Variants in ZNF804B observed in about 807,000 individuals in gnomAD.
ZNF804B encodes the protein zinc finger 804B.
ZNF804B carries 80 observed loss-of-function variants against 101.4 expected under a neutral mutation model. The ratio of observed to expected loss-of-function variants is 0.79; its 90% CI spans 0.66 to 0.95. ZNF804B has a LOEUF of 0.95. ZNF804B is among the 40% of genes least tolerant of loss of function. ZNF804B has a pLI of 0.00. For synonymous variants in ZNF804B, 622 were observed against 558.8 expected, an observed-to-expected ratio of 1.11 and a Z score of -1.59; for missense variants, 1,673 against 1,561.9, an observed-to-expected ratio of 1.07 and a Z score of -1.20.
chr7:88,928,234 T>C (rs1792834947), intron 1 of ZNF804B, among the ~76,000 whole-genome samples: 1 of 152,130 alleles, frequency 6.6e-6, no homozygotes, highest in Non-Finnish European at 1.5e-5. Context: ...GGACCTCTTA[T>C]CCTCCCCTTT....
At chr7:89,250,305 A>G (rs1311520438) in intron 2 of ZNF804B, among the ~76,000 whole-genome samples, 2 of 152,100 alleles carry the variant, frequency 1.3e-5, no homozygotes, top group Admixed American at 6.6e-5. Flanking sequence ...TGTTATGAAC[A>G]CTCCCATACA....
chr7:89,027,228 G>A (rs997138438), intron 1 of ZNF804B, among the ~76,000 whole-genome samples: 2 of 151,880 alleles, frequency 1.3e-5, no homozygotes, highest in African/African-American at 2.4e-5. Context: ...ATGTTTAAAT[G>A]CTGCAGAAAA....
At chr7:88,773,399 G>GTCGT (rs1790097456) in intron 1 of ZNF804B, among the ~76,000 whole-genome samples, 1 of 151,444 alleles carries the variant, frequency 6.6e-6, no homozygotes, top group Admixed American at 6.6e-5. Context: ...GGGAGTCCAA[G>GTCGT]TCATTCATTC....
chr7:89,082,891 A>G, intron 1 of ZNF804B, among the ~76,000 whole-genome samples: 1 of 151,764 alleles, frequency 6.6e-6, no homozygotes, highest in East Asian at 1.9e-4. Context: ...TTTCTACTAT[A>G]TTACTTGTAG....
At chr7:88,793,232 A>G (rs1380586583) in intron 1 of ZNF804B, among the ~76,000 whole-genome samples, 1 of 152,280 alleles carries the variant, frequency 6.6e-6, no homozygotes, top group East Asian at 1.9e-4. Context: ...TCATCTGGAT[A>G]AAAGAAGGGA....
rs892117573 is a variant in ZNF804B, at chr7:89,336,215, C to T, written c.3233C>T (p.Pro1078Leu). The T allele has an allele frequency of 7.4e-6, 12 of 1,613,580 alleles. No individual in the cohort carries two copies. The highest frequency in any genetic ancestry group is 4.0e-5 in the African/African-American group (3 of 74,854). ...CCAAATGAATTCCCTGGTGCTTTTC[C>T]GTCTAATAAATATACTGGTGTGACT... is the stretch of plus-strand genomic sequence containing the variant. ...PVPNEFPGAF[P>L]SNKYTGVTDS... The change falls in exon 4 of 4, where the codon CCG (proline) becomes CTG (leucine). Residue 1078 changes from proline (P) to leucine (L), a missense_variant. Physicochemically the swap from Pro to Leu is moderately conservative, Grantham distance 98. Coordinates refer to ENST00000333190, the MANE Select transcript of ZNF804B (RefSeq NM_181646.5).
At chr7:89,015,961 A>G (rs931110377) in intron 1 of ZNF804B, among the ~76,000 whole-genome samples, 13 of 152,120 alleles carry the variant, frequency 8.5e-5, no homozygotes, top group African/African-American at 3.1e-4. Flanking sequence ...CAACAGTGTA[A>G]AAGTGTTCCT....
chr7:89,285,025 C>T (rs747172869), intron 2 of ZNF804B, among the ~76,000 whole-genome samples: 1 of 151,508 alleles, frequency 6.6e-6, no homozygotes, highest in Non-Finnish European at 1.5e-5. Context: ...GTAGTGAGAC[C>T]CTGTCTCCAC....
At chr7:88,834,371 CAT>C (rs1451542722) in intron 1 of ZNF804B, among the ~76,000 whole-genome samples, 6 of 151,736 alleles carry the variant, frequency 4.0e-5, no homozygotes, top group African/African-American at 1.5e-4. Flanking sequence ...GCTGATCACA[CAT>C]ATTAATTCGT....
chr7:89,058,683 T>C (rs1789332403), intron 1 of ZNF804B, among the ~76,000 whole-genome samples: 1 of 151,952 alleles, frequency 6.6e-6, no homozygotes, highest in South Asian at 2.1e-4. Context: ...AATGTGGCAG[T>C]GAAGGGTTTT....
intron 1 of ZNF804B, among the ~76,000 whole-genome samples, chr7:89,124,712 A>G (rs917409872): frequency 1.3e-5 from 2 of 152,182 alleles, no homozygotes; most frequent in African/African-American, 4.8e-5. Flanking sequence ...GTAAATGTGG[A>G]AAGAATTGAA....
chr7:89,107,738 C>T (rs539773590), intron 1 of ZNF804B, among the ~76,000 whole-genome samples: 1 of 152,130 alleles, frequency 6.6e-6, no homozygotes, highest in Non-Finnish European at 1.5e-5. Flanking sequence ...GTTTATAGAA[C>T]AATGGAGTTG....
intron 2 of ZNF804B, among the ~76,000 whole-genome samples, chr7:89,220,214 CGAA>C (rs1264023474): frequency 7.2e-6 from 1 of 139,286 alleles, no homozygotes; most frequent in African/African-American, 2.7e-5. Flanking sequence ...GCCAGCCTGA[CGAA>C]GACACAGCTT....
intron 1 of ZNF804B, among the ~76,000 whole-genome samples, chr7:89,210,931 C>G (rs896344814): frequency 6.6e-6 from 1 of 152,220 alleles, no homozygotes; most frequent in Non-Finnish European, 1.5e-5. Flanking sequence ...CTGTTTTCCA[C>G]AATGGTTGCT....
At chr7:89,111,949 A>G (rs960178896) in intron 1 of ZNF804B, among the ~76,000 whole-genome samples, 3 of 152,104 alleles carry the variant, frequency 2.0e-5, no homozygotes, top group African/African-American at 7.2e-5. Context: ...ACCAAAAACT[A>G]GAGAAATTAG....
At chr7:89,099,855 G>A (rs937519103) in intron 1 of ZNF804B, among the ~76,000 whole-genome samples, 2 of 152,098 alleles carry the variant, frequency 1.3e-5, no homozygotes, top group Non-Finnish European at 1.5e-5. Context: ...GTGACAGTGA[G>A]GACTGGACTG....
intron 2 of ZNF804B, among the ~76,000 whole-genome samples, chr7:89,262,974 G>GTTGTA (rs1562930806): frequency 7.7e-6 from 1 of 130,084 alleles, no homozygotes; most frequent in African/African-American, 3.0e-5. Context: ...GCACTTTGTA[G>GTTGTA]CTTAGTTGTC....
chr7:88,817,404 C>T (rs947386202), intron 1 of ZNF804B, among the ~76,000 whole-genome samples: 3 of 151,478 alleles, frequency 2.0e-5, no homozygotes, highest in African/African-American at 7.3e-5. Context: ...AAAAATTCCA[C>T]CATCCCTTAA....
chr7:89,308,412 C>T (rs1790598378), intron 2 of ZNF804B, among the ~76,000 whole-genome samples: 2 of 152,122 alleles, frequency 1.3e-5, no homozygotes, highest in Admixed American at 6.6e-5. Context: ...TTCAGTTAGA[C>T]TCCTGAAGGA....
Sources: allele counts gnomAD v4.1 joint callset (sites outside exome capture counted in the v4.1 genomes callset), GRCh38; gene constraint gnomAD v4.1.1; transcripts MANE v1.5; gene names NCBI Gene and HGNC (gene_info 2026-07-23, HGNC 2026-07-21).